Variants in GALNS observed in about 807,000 individuals in gnomAD.
GALNS encodes the protein galactosamine (N-acetyl)-6-sulfatase.
Under a neutral mutation model 65.9 loss-of-function variants are expected in GALNS, and 65 were observed. The observed-to-expected ratio is 0.99, with a 90% CI of 0.81 to 1.21. GALNS has a LOEUF of 1.21. Among genes scored for constraint, GALNS ranks in the 50% most tolerant of loss-of-function variants. The probability of loss-of-function intolerance (pLI) is 0.00; values close to 1 mark genes in which losing one functional copy is unlikely to be tolerated. For synonymous variants in GALNS, 346 were observed against 288.9 expected, an observed-to-expected ratio of 1.20 and a Z score of -2.00; for missense variants, 776 against 700.7, an observed-to-expected ratio of 1.11 and a Z score of -1.21.
intron 1 of GALNS, 131 bp downstream of exon 1, chr16:88,856,627 C>A (rs1326527031): frequency 5.4e-6 from 3 of 552,318 alleles, no homozygotes; most frequent in African/African-American, 4.1e-5. Context: ...GGCCTCCCCC[C>A]TTCCCCAAGG....
At chr16:88,852,547 C>T (rs1336589021) in intron 1 of GALNS, among the ~76,000 whole-genome samples, 1 of 152,210 alleles carries the variant, frequency 6.6e-6, no homozygotes. Flanking sequence ...GACGAGCTGA[C>T]AGAAGTAGGC....
intron 8 of GALNS, among the ~76,000 whole-genome samples, chr16:88,834,573 CA>C: frequency 7.5e-6 from 1 of 132,988 alleles, no homozygotes; most frequent in Non-Finnish European, 1.6e-5. Context: ...GGGCCCCCCT[CA>C]GCGTGGTCTG....
chr16:88,826,663 T>A (rs762603032), intron 10 of GALNS, 39 bp downstream of exon 10: 1 of 1,601,214 alleles, frequency 6.2e-7, no homozygotes, highest in South Asian at 1.1e-5. Flanking sequence ...CTTCACTACT[T>A]GGATCGGGGG....
At position 88,814,425 on chromosome 16, in the gene GALNS, A is replaced by G. The variant is rs2142966537; in HGVS notation, c.*14T>C. ...AACCGGAGATTCTAGGCCTGGCCTGAGTCTGCGCAGGTGCTAGTGGGACCA... is the reference window on the plus strand; with the variant it reads ...AACCGGAGATTCTAGGCCTGGCCTGGGTCTGCGCAGGTGCTAGTGGGACCA... On this transcript the variant is annotated 3_prime_UTR_variant, in exon 14 of 14. Transcript: ENST00000268695. 1 of 1,554,826 alleles carries G rather than the reference A, an allele frequency of 6.4e-7. No homozygotes were observed. Among genetic ancestry groups the G allele is most frequent in the Admixed American group, 1.9e-5 (1 of 51,470 alleles).
intron 1 of GALNS, among the ~76,000 whole-genome samples, chr16:88,851,615 C>G (rs543648923): frequency 1.1e-4 from 17 of 152,308 alleles, no homozygotes; most frequent in African/African-American, 4.1e-4. Context: ...CCAAGGGAAG[C>G]CGTGACAGAC....
At chr16:88,827,858 C>G (rs982709520) in intron 9 of GALNS, among the ~76,000 whole-genome samples, 1 of 152,230 alleles carries the variant, frequency 6.6e-6, no homozygotes. Context: ...TGGGCAGGGA[C>G]CGCCATCCGC....
At chr16:88,832,863 C>G (rs1426182901) in intron 8 of GALNS, among the ~76,000 whole-genome samples, 1 of 152,114 alleles carries the variant, frequency 6.6e-6, no homozygotes, top group African/African-American at 2.4e-5. Context: ...GAGTTCAAGA[C>G]TAGCCTAGAC....
intron 1 of GALNS, chr16:88,843,440 G>A (rs1029291903): frequency 3.4e-5 from 12 of 351,608 alleles, no homozygotes; most frequent in Non-Finnish European, 4.5e-5. Flanking sequence ...AGCGCCCATC[G>A]GCAGACGACA....
chr16:88,815,381 C>G lies in GALNS; in HGVS notation c.1483-856G>C, dbSNP rs1039974552. The G allele has an allele frequency of 3.9e-5, 38 of 985,360 alleles. No homozygotes were observed. In the Admixed American group the frequency reaches 6.1e-4, roughly 16 times the overall value. The allele number at this position is 985,360 out of a possible 1,614,324, so 61.0% of individuals were successfully genotyped here. ...CCTGCAGCTTCAGCCTCTCAAGAAG[C>G]CTTTCCCAGGGAGAAGCCAGTCCCT... On this transcript the variant is annotated intron_variant, in intron 13 of 13. Transcript: ENST00000268695.
chr16:88,844,300 CGGT>C (rs1405696018), intron 1 of GALNS: 1 of 152,016 alleles, frequency 6.6e-6, no homozygotes, highest in Non-Finnish European at 1.5e-5. Flanking sequence ...GTGGCAGCGG[CGGT>C]GTTCACTGAA....
At chr16:88,836,863 C>T (rs1231853084) in intron 5 of GALNS, among the ~76,000 whole-genome samples, 11 of 151,848 alleles carry the variant, frequency 7.2e-5, no homozygotes, top group Admixed American at 6.6e-4. Flanking sequence ...TGTGGTCACT[C>T]GGCTGGGGCT....
intron 6 of GALNS, 73 bp from the exon 7 acceptor site, chr16:88,835,922 C>G: frequency 6.2e-7 from 1 of 1,608,128 alleles, no homozygotes; most frequent in Non-Finnish European, 8.5e-7. Context: ...TCCCCGTCCC[C>G]ACACGTCCCA....
chr16:88,825,506 ATGTCTGGGGCTGGGGTTTCTGGGCAGCCG>A (rs1910779910), intron 10 of GALNS, among the ~76,000 whole-genome samples: 2 of 56,678 alleles, frequency 3.5e-5, no homozygotes, highest in Admixed American at 2.1e-4. Flanking sequence ...GGGTGCCTGG[ATGTCTGGGGCTGGGGTTTCTGGGCAGCCG>A]GGGCTGGGGT....
chr16:88,844,082 T>C (rs1325090499), intron 1 of GALNS: 3 of 151,918 alleles, frequency 2.0e-5, no homozygotes, highest in Non-Finnish European at 4.4e-5. Flanking sequence ...CACCACGCTG[T>C]GAATGGACTG....
At chr16:88,834,145 G>A (rs112714538) in intron 8 of GALNS, among the ~76,000 whole-genome samples, 2,127 of 152,358 alleles carry the variant, frequency 0.014, 46 homozygotes, top group African/African-American at 0.048. Flanking sequence ...GCCTGCACGA[G>A]AGCCAGGCTC....
chr16:88,831,949 G>A (rs776221604), intron 9 of GALNS, 49 bp downstream of exon 9: 100 of 1,527,608 alleles, frequency 6.5e-5, no homozygotes, highest in Non-Finnish European at 8.9e-5. Context: ...CCCTGGGATG[G>A]CTGCAGGCCT....
intron 1 of GALNS, among the ~76,000 whole-genome samples, chr16:88,852,693 G>A (rs1967561252): frequency 6.6e-6 from 1 of 152,240 alleles, no homozygotes; most frequent in African/African-American, 2.4e-5. Context: ...GACCTTAGAT[G>A]ACCTGATGGA....
At chr16:88,820,579 AC>A (rs1415463954) in intron 12 of GALNS, among the ~76,000 whole-genome samples, 1 of 151,850 alleles carries the variant, frequency 6.6e-6, no homozygotes, top group East Asian at 1.9e-4. Flanking sequence ...CCTCCTTGTG[AC>A]CCCCTCTGGG....
chr16:88,853,783 G>A (rs1403765076), intron 1 of GALNS, among the ~76,000 whole-genome samples: 3 of 152,186 alleles, frequency 2.0e-5, no homozygotes, highest in African/African-American at 7.2e-5. Context: ...GTCAGTGAAA[G>A]GCCAGGGCAG....
Sources: allele counts gnomAD v4.1 joint callset (sites outside exome capture counted in the v4.1 genomes callset), GRCh38; gene constraint gnomAD v4.1.1; transcripts MANE v1.5; gene names NCBI Gene and HGNC (gene_info 2026-07-23, HGNC 2026-07-21).